The following RYR2 variants were observed in gnomAD, a reference collection of about 807,000 sequenced individuals.
RYR2 encodes ryanodine receptor 2, also known as cardiac muscle ryanodine receptor-calcium release channel.
In RYR2, 227 loss-of-function variants were observed where a neutral mutation model predicts 601.1. The ratio of observed to expected loss-of-function variants is 0.38; its 90% CI spans 0.34 to 0.42. RYR2 has a LOEUF of 0.42. Ranked by LOEUF, RYR2 falls within the 10% of genes least tolerant of loss-of-function variation. RYR2 has a pLI of 1.00. For missense variants in RYR2, 4,646 were observed against 6,156.5 expected (o/e 0.75, Z 8.21); for synonymous variants, 2,223 against 2,175.1 (o/e 1.02, Z -0.61).
At chr1:237,685,546 TTCAC>T (rs1262102379) in intron 62 of RYR2, among the ~76,000 whole-genome samples, 5 of 152,216 alleles carry the variant, frequency 3.3e-5, no homozygotes, top group African/African-American at 1.2e-4. Flanking sequence ...CTCAGAATGT[TTCAC>T]TCTGGATACT....
chr1:237,560,769 A>G (rs1299001543), intron 27 of RYR2, among the ~76,000 whole-genome samples: 1 of 152,168 alleles, frequency 6.6e-6, no homozygotes, highest in Non-Finnish European at 1.5e-5. Context: ...TTTCTCTACC[A>G]TTTCTACTGA....
intron 19 of RYR2, among the ~76,000 whole-genome samples, chr1:237,493,921 C>T (rs976133586): frequency 4.6e-5 from 7 of 152,140 alleles, no homozygotes; most frequent in Non-Finnish European, 1.0e-4. Flanking sequence ...AAGGGCTTTA[C>T]GTGTATTCTC....
intron 1 of RYR2, among the ~76,000 whole-genome samples, chr1:237,047,850 C>A (rs1351287818): frequency 6.6e-6 from 1 of 152,152 alleles, no homozygotes; most frequent in Non-Finnish European, 1.5e-5. Flanking sequence ...GGCTCTTCTG[C>A]CTTCATGAGC....
At chr1:237,825,674 A>C (rs1663009534) in intron 101 of RYR2, among the ~76,000 whole-genome samples, 1 of 152,236 alleles carries the variant, frequency 6.6e-6, no homozygotes. Context: ...ATGGGATCTA[A>C]TTAAACTAAA....
intron 1 of RYR2, among the ~76,000 whole-genome samples, chr1:237,202,931 T>C (rs900978216): frequency 6.6e-6 from 1 of 152,188 alleles, no homozygotes; most frequent in African/African-American, 2.4e-5. Flanking sequence ...ATAGTCACCA[T>C]AGAAACAACT....
chr1:237,268,108 A>G (rs1689248058), intron 1 of RYR2, among the ~76,000 whole-genome samples: 1 of 151,888 alleles, frequency 6.6e-6, no homozygotes, highest in African/African-American at 2.4e-5. Flanking sequence ...TTTTGTTTTT[A>G]CCTCATCTTG....
chr1:237,683,926 T>TTC (rs1686123655), intron 62 of RYR2, among the ~76,000 whole-genome samples: 1 of 149,992 alleles, frequency 6.7e-6, no homozygotes, highest in Non-Finnish European at 1.5e-5. Flanking sequence ...GGTGGGTCTT[T>TTC]TTCTTCTTCT....
chr1:237,364,705 C>CAT (rs10656878), intron 5 of RYR2, among the ~76,000 whole-genome samples: 46,734 of 151,806 alleles, frequency 0.31, 7,411 homozygotes, highest in East Asian at 0.33. Flanking sequence ...CATATTGTAA[C>CAT]ATTATATTTA....
intron 14 of RYR2, among the ~76,000 whole-genome samples, chr1:237,452,524 A>G (rs1658316258): frequency 1.8e-5 from 2 of 111,448 alleles, no homozygotes; most frequent in South Asian, 6.1e-4. Context: ...AATATATAAT[A>G]AATATATATA....
intron 14 of RYR2, among the ~76,000 whole-genome samples, chr1:237,448,224 G>T (rs1246455780): frequency 6.6e-6 from 1 of 152,070 alleles, no homozygotes. Context: ...ACCACACCCG[G>T]CATTGATATG....
chr1:237,562,868 G>T (rs1238048758), intron 27 of RYR2, among the ~76,000 whole-genome samples: 2 of 152,100 alleles, frequency 1.3e-5, no homozygotes, highest in Non-Finnish European at 2.9e-5. Flanking sequence ...GCTATATCCG[G>T]AGCCCGGAAG....
chr1:237,732,245 CTTG>C (rs773608959), intron 78 of RYR2, 96 bp downstream of exon 78: 40 of 689,538 alleles, frequency 5.8e-5, no homozygotes, highest in East Asian at 1.1e-4. Context: ...TTAAGTTCAT[CTTG>C]TTGTTGTTAG....
At chr1:237,334,818 G>A (rs565538400) in intron 3 of RYR2, among the ~76,000 whole-genome samples, 15 of 152,160 alleles carry the variant, frequency 9.9e-5, no homozygotes, top group African/African-American at 2.2e-4. Context: ...TCTATTTTGC[G>A]TATGGATGAT....
intron 88 of RYR2, among the ~76,000 whole-genome samples, chr1:237,779,484 G>A (rs143851568): frequency 2.0e-5 from 3 of 152,272 alleles, no homozygotes; most frequent in African/African-American, 7.2e-5. Context: ...AGGCGGTCAG[G>A]TAGAAGAATG....
chr1:237,316,898 A>T lies in RYR2; in HGVS notation c.169-13980A>T, dbSNP rs143538565. 9.8e-5 allele frequency among the ~76,000 whole-genome samples: 15 copies of T among 152,306 alleles called. No homozygotes were observed. The East Asian group carries it at 2.7e-3, about 27-fold the overall frequency. ...TGGACTTCCTGGATGACCAACAACC[A>T]CAAACCAATTCACTGTGCCAGAGAG... On this transcript the variant is annotated intron_variant, in intron 2 of 104. Transcript: ENST00000366574.
intron 83 of RYR2, 50 bp from the exon 84 acceptor site, chr1:237,760,905 A>C (rs1027208049): frequency 8.1e-7 from 1 of 1,232,340 alleles, no homozygotes; most frequent in Admixed American, 2.1e-5. Context: ...CTGAGCAAAG[A>C]AAATGTTCTA....
chr1:237,703,443 T>C (rs1688121174), intron 66 of RYR2, among the ~76,000 whole-genome samples: 1 of 151,504 alleles, frequency 6.6e-6, no homozygotes, highest in African/African-American at 2.4e-5. Context: ...TTTCTCATCT[T>C]GCATCTATTT....
In RYR2 at chr1:237,511,844, A is replaced by AC. The variant is rs1167077483; in HGVS notation, c.2822+53_2822+54insC. On this transcript the variant is annotated intron_variant, in intron 24 of 104. Transcript: ENST00000366574. ...CAACCTGCCTTCCCTGAAAAAAAAA[A>AC]AAAAAAAAAAAAAAACAGGTATTGA... is the stretch of plus-strand genomic sequence containing the variant. The AC allele has an allele frequency of 4.2e-6, 4 of 963,604 alleles. No individual in the cohort carries two copies. In the South Asian group the frequency reaches 7.6e-5, roughly 18 times the overall value. The allele number at this position is 963,604 out of a possible 1,614,324, so 59.7% of individuals were successfully genotyped here. A position where few individuals can be genotyped will look rare whatever the true frequency, so the allele number is the denominator to read the frequency against.
At chr1:237,711,601 A>C (rs1288792308) in intron 70 of RYR2, 144 bp from the exon 71 acceptor site, 1 of 606,524 alleles carries the variant, frequency 1.6e-6, no homozygotes, top group Non-Finnish European at 2.9e-6. Flanking sequence ...TTAGATACTC[A>C]AGAAATACTT....
Sources: gnomAD v4.1 joint callset for allele counts (sites outside exome capture counted in the v4.1 genomes callset) on GRCh38, gnomAD v4.1.1 for gene constraint, MANE v1.5 for transcripts, NCBI Gene and HGNC (gene_info 2026-07-23, HGNC 2026-07-21) for gene names.